Variants in BIN2 observed in about 807,000 individuals in gnomAD.
BIN2 encodes the protein breast cancer associated protein BRAP1.
In BIN2, 43 loss-of-function variants were observed where a neutral mutation model predicts 67.9. The observed-to-expected ratio is 0.63, with a 90% CI of 0.50 to 0.82. The LOEUF is 0.82. Among genes scored for constraint, BIN2 ranks in the 40% least tolerant of loss-of-function variants. BIN2 has a pLI of 0.00. For synonymous variants in BIN2, 244 were observed against 246.8 expected (o/e 0.99, Z 0.11); for missense variants, 581 against 671.6 (o/e 0.87, Z 1.49).
upstream of BIN2, chr12:51,324,624 G>A (rs976243795): frequency 7.1e-6 from 9 of 1,270,346 alleles, no homozygotes; most frequent in African/African-American, 9.3e-5. Flanking sequence ...ATAGAGTGCA[G>A]AAAGCAGGCA....
chr12:51,295,436 G>A (rs1472830499), intron 9 of BIN2, among the ~76,000 whole-genome samples: 1 of 148,140 alleles, frequency 6.8e-6, no homozygotes, highest in Non-Finnish European at 1.5e-5. Flanking sequence ...GATGGCGGGC[G>A]CCTGTAGTCC....
intron 12 of BIN2, among the ~76,000 whole-genome samples, chr12:51,282,266 C>CATAT (rs10625381): frequency 0.67 from 101,503 of 151,484 alleles, 37,598 homozygotes; most frequent in Non-Finnish European, 0.85. Flanking sequence ...ATATAATAAA[C>CATAT]ATATATATAT....
chr12:51,284,615 C>T, intron 12 of BIN2, 101 bp downstream of exon 12: 1 of 912,528 alleles, frequency 1.1e-6, no homozygotes, highest in Non-Finnish European at 1.8e-6. Flanking sequence ...GGGTATGGTT[C>T]ACTGCCGGAT....
In BIN2 at chr12:51,292,123, G is replaced by A; in HGVS notation, c.983C>T (p.Ala328Val). 6.2e-7 allele frequency: 1 copy of A among 1,614,136 alleles called. No homozygotes were observed. Among genetic ancestry groups the A allele is most frequent in the Non-Finnish European group, 8.5e-7 (1 of 1,180,038 alleles). Residue 328 changes from alanine to valine, a missense_variant, in exon 10 of 13, where the codon GCA (alanine) becomes GTA (valine). Physicochemically the swap from Ala to Val is moderately conservative, Grantham distance 64. Transcript: ENST00000615107. Reference protein sequence around the residue: ...EEEIEKEGSEASSSEEDEPLP... With the variant: ...EEEIEKEGSEVSSSEEDEPLP... ...AGGCTCATCTTCCTCAGAGGAGCTT[G>A]CTTCAGATCCTTCCTTCTCTATTTC...
At chr12:51,311,595 G>C (rs1296570865) in intron 2 of BIN2, among the ~76,000 whole-genome samples, 1 of 152,006 alleles carries the variant, frequency 6.6e-6, no homozygotes, top group African/African-American at 2.4e-5. Flanking sequence ...TGCCCAGGCT[G>C]GTCTTGAATT....
intron 1 of BIN2, among the ~76,000 whole-genome samples, chr12:51,318,434 G>C (rs1946187470): frequency 6.6e-6 from 1 of 152,050 alleles, no homozygotes; most frequent in African/African-American, 2.4e-5. Context: ...GCGAATTTTT[G>C]TATTTTTAGT....
chr12:51,310,812 G>C (rs978847907), intron 2 of BIN2, among the ~76,000 whole-genome samples: 9 of 152,074 alleles, frequency 5.9e-5, no homozygotes, highest in Non-Finnish European at 7.4e-5. Flanking sequence ...CCAGACTGGA[G>C]TGCAGTGGCA....
At chr12:51,324,239 GC>G (rs1565696023), upstream of BIN2, 6 of 1,439,730 alleles carry the variant, frequency 4.2e-6, no homozygotes, top group Admixed American at 1.1e-4. Context: ...CCCCTGGCCA[GC>G]CCTGAGGCCC....
At chr12:51,317,919 C>T (rs1053137135) in intron 1 of BIN2, among the ~76,000 whole-genome samples, 3 of 151,768 alleles carry the variant, frequency 2.0e-5, no homozygotes, top group Non-Finnish European at 4.4e-5. Flanking sequence ...ACCCGGGAGG[C>T]GGAGCTTGCA....
intron 1 of BIN2, among the ~76,000 whole-genome samples, chr12:51,316,298 C>G (rs972127785): frequency 7.3e-6 from 1 of 137,488 alleles, no homozygotes; most frequent in African/African-American, 2.8e-5. Context: ...ACCTGGCTAA[C>G]AGGGTAAAAC....
chr12:51,285,764 C>A (rs1297207629), intron 11 of BIN2, among the ~76,000 whole-genome samples: 2 of 151,830 alleles, frequency 1.3e-5, no homozygotes, highest in African/African-American at 2.4e-5. Context: ...GCTGGGATTA[C>A]AGGCGCCCAC....
At chr12:51,283,993 C>A (rs1186772573) in intron 12 of BIN2, among the ~76,000 whole-genome samples, 304 of 133,008 alleles carry the variant, frequency 2.3e-3, no homozygotes, top group Non-Finnish European at 2.9e-3. Flanking sequence ...AACTCCGTCT[C>A]AAAAAAAAAA....
intron 12 of BIN2, among the ~76,000 whole-genome samples, chr12:51,282,327 A>G (rs1945136964): frequency 6.6e-6 from 1 of 152,138 alleles, no homozygotes; most frequent in Non-Finnish European, 1.5e-5. Context: ...GACTCTATAT[A>G]CAAAGGTGGT....
intron 2 of BIN2, among the ~76,000 whole-genome samples, chr12:51,310,527 A>G (rs1225563833): frequency 6.6e-6 from 1 of 152,206 alleles, no homozygotes; most frequent in Non-Finnish European, 1.5e-5. Flanking sequence ...CTTACATTTT[A>G]GTGAAATATT....
At chr12:51,284,671 C>G in intron 12 of BIN2, 45 bp downstream of exon 12, 1 of 1,466,306 alleles carries the variant, frequency 6.8e-7, no homozygotes, top group South Asian at 1.1e-5. Flanking sequence ...TCCCAAACCC[C>G]TGTCAATCTA....
intron 2 of BIN2, among the ~76,000 whole-genome samples, chr12:51,304,669 T>C (rs1945821127): frequency 6.6e-6 from 1 of 152,220 alleles, no homozygotes; most frequent in Non-Finnish European, 1.5e-5. Flanking sequence ...TGTGAATTTG[T>C]TCATTTGTTA....
rs1945771434 is a variant in BIN2 at position 51,303,046 on chromosome 12, G to C, written c.217+41C>G. ...TTCCACCCCAAACCTCCTAGTAGCTGTATAAATGCCCTCTGGATTCTCCCA... is the reference window on the plus strand; with the variant it reads ...TTCCACCCCAAACCTCCTAGTAGCTCTATAAATGCCCTCTGGATTCTCCCA... On this transcript the variant is annotated intron_variant, in intron 3 of 12. Coordinates refer to ENST00000615107, the MANE Select transcript of BIN2 (RefSeq NM_016293.4). The C allele has an allele frequency of 3.1e-6, 5 of 1,602,286 alleles. No homozygotes were observed. In the East Asian group the frequency reaches 1.1e-4, roughly 36 times the overall value.
intron 9 of BIN2, among the ~76,000 whole-genome samples, chr12:51,294,730 TAAAACAACACAC>T (rs1945489677): frequency 1.4e-5 from 1 of 73,470 alleles, no homozygotes; most frequent in Non-Finnish European, 4.6e-5. Flanking sequence ...CATGCACACA[TAAAACAACACAC>T]ATAGAAATGA....
At chr12:51,297,205 T>C (rs1348822273) in intron 7 of BIN2, 41 bp from the exon 8 acceptor site, 5 of 1,563,820 alleles carry the variant, frequency 3.2e-6, no homozygotes, top group East Asian at 4.5e-5. Context: ...GAGTAAGGCA[T>C]GGGAAAGGAG....
Sources: allele counts gnomAD v4.1 joint callset (sites outside exome capture counted in the v4.1 genomes callset), GRCh38; gene constraint gnomAD v4.1.1; transcripts MANE v1.5; gene names NCBI Gene and HGNC (gene_info 2026-07-23, HGNC 2026-07-21).